Variants in PTPRD observed in about 807,000 individuals in gnomAD.
PTPRD encodes protein tyrosine phosphatase receptor type D, also known as receptor-type tyrosine-protein phosphatase delta.
In PTPRD, 34 loss-of-function variants were observed where a neutral mutation model predicts 214.5. That is an observed-to-expected ratio of 0.16 (90% CI 0.12 to 0.21). The LOEUF (loss-of-function observed/expected upper bound fraction) is 0.21, where lower values mean the gene tolerates loss of function less well. Among genes scored for constraint, PTPRD ranks in the 10% least tolerant of loss-of-function variants. PTPRD has a pLI of 1.00. For synonymous variants in PTPRD, 1,128 were observed against 845.7 expected (o/e 1.33, Z -5.79); for missense variants, 2,545 against 2,398.7 (o/e 1.06, Z -1.27).
chr9:9,744,726 A>C lies in PTPRD; in HGVS notation c.-325-10155T>G, dbSNP rs952972312. Reference sequence around the variant, plus strand: ...AGTAAACAAATTAATGAAGAACAGAAAAAGAATATAAATCTCCTAGCCTGG... The same window carrying C: ...AGTAAACAAATTAATGAAGAACAGACAAAGAATATAAATCTCCTAGCCTGG... On this transcript the variant is annotated intron_variant, in intron 6 of 45. Transcript: ENST00000381196. 1.2e-4 allele frequency among the ~76,000 whole-genome samples: 18 copies of C among 152,186 alleles called. No individual in the cohort carries two copies. The East Asian group carries it at 2.9e-3, about 25-fold the overall frequency.
At chr9:8,827,476 G>A (rs965290646) in intron 11 of PTPRD, among the ~76,000 whole-genome samples, 14 of 151,886 alleles carry the variant, frequency 9.2e-5, no homozygotes, top group South Asian at 2.1e-4. Context: ...GTATGGTGGC[G>A]CACCCCTGTA....
At position 9,576,725 on chromosome 9, in the gene PTPRD, T is replaced by A. The variant is rs117863664; in HGVS notation, c.-286-1944A>T. 4.7e-4 allele frequency among the ~76,000 whole-genome samples: 71 copies of A among 152,318 alleles called. 5 individuals carry two copies. The East Asian group carries it at 0.014, about 29-fold the overall frequency. On this transcript the variant is annotated intron_variant, in intron 7 of 45. Transcript: ENST00000381196. The stretch of plus-strand genomic sequence containing the variant: ...CTTCTTGGATACACAAATTAGAAGT[T>A]TTAATTGTTATTACTATTTTATTAC...
At chr9:8,364,338 A>G (rs2079239533) in intron 39 of PTPRD, among the ~76,000 whole-genome samples, 1 of 152,264 alleles carries the variant, frequency 6.6e-6, no homozygotes, top group African/African-American at 2.4e-5. Context: ...TGGACAGTGT[A>G]CCACACACAG....
At chr9:9,797,760 T>G (rs1056425573) in intron 5 of PTPRD, among the ~76,000 whole-genome samples, 1 of 151,882 alleles carries the variant, frequency 6.6e-6, no homozygotes, top group Non-Finnish European at 1.5e-5. Context: ...AGGCAGGAGA[T>G]TCACTTGACC....
At chr9:9,200,025 G>C (rs2099940949) in intron 9 of PTPRD, among the ~76,000 whole-genome samples, 1 of 152,134 alleles carries the variant, frequency 6.6e-6, no homozygotes, top group Non-Finnish European at 1.5e-5. Context: ...CACAAGATCT[G>C]AAATGTTAAT....
At chr9:10,507,977 C>T (rs1380442490) in intron 2 of PTPRD, among the ~76,000 whole-genome samples, 1 of 152,152 alleles carries the variant, frequency 6.6e-6, no homozygotes, top group African/African-American at 2.4e-5. Flanking sequence ...AGAACTTTGG[C>T]ACAGCAAAAG....
At chr9:8,470,781 G>C (rs2096637660) in intron 31 of PTPRD, among the ~76,000 whole-genome samples, 2 of 152,132 alleles carry the variant, frequency 1.3e-5, no homozygotes. Context: ...CAGGTTGTAA[G>C]CTTTATTGCA....
At position 8,528,562 on chromosome 9, in the gene PTPRD, A is replaced by C; in HGVS notation, c.541+29T>G. The C allele has an allele frequency of 1.9e-6, 3 of 1,594,316 alleles. No individual in the cohort carries two copies. In the South Asian group the frequency reaches 3.4e-5, roughly 18 times the overall value. ...AAATTAAAAAAAAAAATTCTCTAGG[A>C]GTTAGTAGAAACAGTAACAAGACCC... On this transcript the variant is annotated intron_variant, in intron 15 of 45. Coordinates refer to ENST00000381196, the MANE Select transcript of PTPRD (RefSeq NM_002839.4).
At chr9:9,892,188 A>C (rs1347188256) in intron 5 of PTPRD, among the ~76,000 whole-genome samples, 1 of 152,114 alleles carries the variant, frequency 6.6e-6, no homozygotes, top group Non-Finnish European at 1.5e-5. Context: ...AAGAAAAATG[A>C]ATCAGCAAAA....
intron 2 of PTPRD, among the ~76,000 whole-genome samples, chr9:10,494,765 T>G (rs2041520624): frequency 6.6e-6 from 1 of 151,426 alleles, no homozygotes. Context: ...ATAAGATATA[T>G]TAATCATAGT....
intron 7 of PTPRD, among the ~76,000 whole-genome samples, chr9:9,623,191 T>A (rs1312306002): frequency 6.6e-6 from 1 of 152,210 alleles, no homozygotes; most frequent in Non-Finnish European, 1.5e-5. Context: ...AGACAAGATA[T>A]TGTTTTTGTA....
chr9:9,962,544 A>AT (rs1461720346), intron 4 of PTPRD, among the ~76,000 whole-genome samples: 1 of 152,126 alleles, frequency 6.6e-6, no homozygotes, highest in Non-Finnish European at 1.5e-5. Flanking sequence ...CACAGTCAAT[A>AT]TTTAGAAAAT....
chr9:9,639,770 T>C (rs1350196798), intron 7 of PTPRD, among the ~76,000 whole-genome samples: 1 of 152,214 alleles, frequency 6.6e-6, no homozygotes, highest in African/African-American at 2.4e-5. Context: ...TGTTTTCAAG[T>C]ATTATATCCA....
At chr9:10,266,851 G>C (rs1361237822) in intron 3 of PTPRD, among the ~76,000 whole-genome samples, 1 of 152,070 alleles carries the variant, frequency 6.6e-6, no homozygotes, top group Non-Finnish European at 1.5e-5. Context: ...TCAAACTATT[G>C]TCAGAAAACT....
chr9:9,608,405 T>C (rs750708980), intron 7 of PTPRD, among the ~76,000 whole-genome samples: 31 of 152,186 alleles, frequency 2.0e-4, no homozygotes, highest in Non-Finnish European at 3.5e-4. Context: ...AAATCTAGGC[T>C]GTCCAGTAAG....
In PTPRD at chr9:10,008,821, A is replaced by G. The variant is rs565636609; in HGVS notation, c.-472+24897T>C. Among the ~76,000 whole-genome samples, 3 of 152,148 alleles carry G rather than the reference A, an allele frequency of 2.0e-5. No individual in the cohort carries two copies. In the East Asian group the frequency reaches 5.8e-4, roughly 29 times the overall value. On this transcript the variant is annotated intron_variant, in intron 4 of 45. Transcript: ENST00000381196. ...CAGTCAATCAGTAATTCTCTATAAC[A>G]AATTCAAGAAAGACCAAAATAAAGA... is the stretch of plus-strand genomic sequence containing the variant.
At chr9:9,120,712 G>A (rs974052645) in intron 10 of PTPRD, among the ~76,000 whole-genome samples, 2 of 152,166 alleles carry the variant, frequency 1.3e-5, no homozygotes, top group African/African-American at 4.8e-5. Context: ...AGTAGCACCT[G>A]TATATTCATA....
intron 3 of PTPRD, among the ~76,000 whole-genome samples, chr9:10,153,956 T>C (rs533954347): frequency 3.9e-5 from 6 of 152,274 alleles, no homozygotes; most frequent in African/African-American, 1.4e-4. Flanking sequence ...GACACATGCA[T>C]GTATTTTTAT....
At chr9:9,199,038 G>A (rs1009550294) in intron 9 of PTPRD, among the ~76,000 whole-genome samples, 1 of 152,102 alleles carries the variant, frequency 6.6e-6, no homozygotes, top group Non-Finnish European at 1.5e-5. Context: ...AAGACATGTG[G>A]GCAGCAGGTC....
Sources: allele counts gnomAD v4.1 joint callset (sites outside exome capture counted in the v4.1 genomes callset), GRCh38; gene constraint gnomAD v4.1.1; transcripts MANE v1.5; gene names NCBI Gene and HGNC (gene_info 2026-07-23, HGNC 2026-07-21).